BARHL2: variants seen among roughly 807,000 people sequenced by gnomAD.
The protein encoded by BARHL2 is barH-like 2 homeobox protein.
BARHL2 carries 10 observed loss-of-function variants against 27.1 expected under a neutral mutation model. That is an observed-to-expected ratio of 0.37 (90% CI 0.23 to 0.63). BARHL2 has a LOEUF of 0.63. Among genes scored for constraint, BARHL2 ranks in the 20% least tolerant of loss-of-function variants. BARHL2 has a pLI of 0.65. For synonymous variants in BARHL2, 248 were observed against 224.7 expected (o/e 1.10, Z -0.93); for missense variants, 483 against 533.5 (o/e 0.91, Z 0.93).
rs1052306863 is a variant in BARHL2, at chr1:90,714,466, G to A, written c.851+65C>T. The stretch of plus-strand genomic sequence containing the variant: ...GTCTCTGGAGGCCAGGAGGGAAGAA[G>A]ATTGGTATAATGATCATGACTTAAA... On this transcript the variant is annotated intron_variant, in intron 2 of 2. Coordinates refer to ENST00000370445, the MANE Select transcript of BARHL2 (RefSeq NM_020063.2). 24 of 1,462,790 alleles carry A rather than the reference G, an allele frequency of 1.6e-5. No homozygotes were observed. The African/African-American group carries it at 3.2e-4, about 19-fold the overall frequency. The allele number at this position is 1,462,790 out of a possible 1,614,324, so 90.6% of individuals were successfully genotyped here. A position where few individuals can be genotyped will look rare whatever the true frequency, so the allele number is the denominator to read the frequency against.
In BARHL2 at chr1:90,712,541, G is replaced by A. The variant is rs1277998107; in HGVS notation, c.935C>T (p.Pro312Leu). 6.2e-7 allele frequency: 1 copy of A among 1,614,076 alleles called. No homozygotes were observed. The highest frequency in any genetic ancestry group is 1.3e-5 in the African/African-American group (1 of 75,034). ...GCTTGGGTGATAGAAATAAGGCGAT[G>A]GAAACATCCTCTGCAGCGCCGAGTA... Reference protein sequence around the residue: ...GNYSALQRMFPSPYFYHPSLL... With the variant: ...GNYSALQRMFLSPYFYHPSLL... Residue 312 changes from proline to leucine, a missense_variant, in exon 3 of 3, where the codon CCA becomes CTA. This residue lies in a region of BARHL2 where 130 missense variants were observed against 138.0 expected (regional missense o/e 0.94). Transcript: ENST00000370445.
At chr1:90,714,367 G>A (rs1368002763) in intron 2 of BARHL2, among the ~76,000 whole-genome samples, 164 bp downstream of exon 2, 1 of 152,208 alleles carries the variant, frequency 6.6e-6, no homozygotes, top group Admixed American at 6.5e-5. Flanking sequence ...CTCTCACCTT[G>A]GGGGTGTGGC....
At position 90,712,634 on chromosome 1, in the gene BARHL2, A is replaced by G; in HGVS notation, c.852-10T>C. The G allele has an allele frequency of 6.3e-7, 1 of 1,596,110 alleles. No individual in the cohort carries two copies. Among genetic ancestry groups the G allele is most frequent in the South Asian group, 1.1e-5 (1 of 88,826 alleles). On this transcript the variant is annotated splice_polypyrimidine_tract_variant and intron_variant, in intron 2 of 2. Coordinates refer to ENST00000370445, the MANE Select transcript of BARHL2 (RefSeq NM_020063.2). ...CCGCTTCCACTTGGTCCTGAAAGAA[A>G]GCGGGTGTGCAGGCACCCAGCAGCT...
At position 90,712,386 on chromosome 1, in the gene BARHL2, C is replaced by T. The variant is rs1239577854; in HGVS notation, c.1090G>A (p.Gly364Ser). Residue 364 changes from glycine to serine, a missense_variant, in exon 3 of 3, where the codon GGC (glycine) becomes AGC (serine). By Grantham distance (56) the Gly-to-Ser change is moderately conservative. Around this residue, in one of 3 missense-constraint regions of BARHL2, gnomAD observed 130 missense variants for 138.0 expected, o/e 0.94. Transcript: ENST00000370445. Reference protein sequence around the residue: ...RPLVPRVLIHGLGPGGQPALN... With the variant: ...RPLVPRVLIHSLGPGGQPALN... ...GCTGGCTGTCCCCCAGGCCCTAGGCCGTGGATGAGCACACGGGGCACCAGG... is the reference window on the plus strand; with the variant it reads ...GCTGGCTGTCCCCCAGGCCCTAGGCTGTGGATGAGCACACGGGGCACCAGG... The T allele has an allele frequency of 4.4e-6, 7 of 1,585,236 alleles. No individual in the cohort carries two copies. The highest frequency in any genetic ancestry group is 1.3e-5 in the African/African-American group (1 of 74,306).
chr1:90,713,541 T>A (rs886678329), intron 2 of BARHL2, among the ~76,000 whole-genome samples: 3 of 152,142 alleles, frequency 2.0e-5, no homozygotes, highest in African/African-American at 7.2e-5. Context: ...GACACTAATG[T>A]TTTCCGACAG....
rs1343314247 is a variant in BARHL2, at chr1:90,711,808, TCA to T, written c.*502_*503del. ...GTCATGAGAAATCAGTGCAAAGTTC[TCA>T]GTTACCCTCCTCTTTTCTCTGGGGC... is the stretch of plus-strand genomic sequence containing the variant. On this transcript the variant is annotated 3_prime_UTR_variant, in exon 3 of 3. Transcript: ENST00000370445. The T allele has an allele frequency of 3.3e-5, 5 of 152,464 alleles. No homozygotes were observed. The highest frequency in any genetic ancestry group is 7.2e-5 in the African/African-American group (3 of 41,548). 9.4% of individuals were successfully genotyped at this position (152,464 alleles called of 1,614,324 possible). A position where few individuals can be genotyped will look rare whatever the true frequency, so the allele number is the denominator to read the frequency against.
In BARHL2 at chr1:90,712,271, G is replaced by C; in HGVS notation, c.*41C>G. The C allele has an allele frequency of 7.0e-7, 1 of 1,426,872 alleles. No homozygotes were observed. The highest frequency in any genetic ancestry group is 1.5e-5 in the South Asian group (1 of 65,838). 88.4% of individuals were successfully genotyped at this position (1,426,872 alleles called of 1,614,324 possible). ...ACGGGCAGCAGTCCGGGTTGGGCAGGGATATGGGGAAGGGATTGCAGTGCC... is the reference window on the plus strand; with the variant it reads ...ACGGGCAGCAGTCCGGGTTGGGCAGCGATATGGGGAAGGGATTGCAGTGCC... On this transcript the variant is annotated 3_prime_UTR_variant, in exon 3 of 3. Coordinates refer to ENST00000370445, the MANE Select transcript of BARHL2 (RefSeq NM_020063.2).
At position 90,716,724 on chromosome 1, in the gene BARHL2, C is replaced by T. The variant is rs1658153868; in HGVS notation, c.472G>A (p.Ala158Thr). 1.2e-6 allele frequency: 2 copies of T among 1,606,386 alleles called. No homozygotes were observed. Among genetic ancestry groups the T allele is most frequent in the Non-Finnish European group, 1.7e-6 (2 of 1,176,204 alleles). Reference protein sequence around the residue: ...LGDSKPLAACAPYSTSVSSPH... With the variant: ...LGDSKPLAACTPYSTSVSSPH... The stretch of plus-strand genomic sequence containing the variant: ...GAGGATACGCTGGTGCTGTAGGGTG[C>T]ACATGCCGCCAGAGGTTTGCTGTCG... The change falls in exon 1 of 3, where the codon GCA becomes ACA. Residue 158 changes from alanine (A) to threonine (T), a missense_variant. Ala to Thr is a moderately conservative substitution (Grantham distance 58). This residue lies in a region of BARHL2 where 304 missense variants were observed against 284.9 expected (regional missense o/e 1.07). Transcript: ENST00000370445.
Position 90,716,963 on chromosome 1 carries a change from A to G in BARHL2, c.233T>C (p.Val78Ala). The change falls in exon 1 of 3, where the codon GTA (valine) becomes GCA (alanine). Residue 78 changes from valine to alanine, a missense_variant. Transcript: ENST00000370445. ...VTMEPPEPHL[V>A]ADATQHHHHL... ...GTGATGATGCTGGGTCGCGTCTGCT[A>G]CCAGATGCGGCTCCGGGGGCTCCAT... 1.9e-6 allele frequency: 3 copies of G among 1,613,278 alleles called. No individual in the cohort carries two copies. Among genetic ancestry groups the G allele is most frequent in the East Asian group, 2.2e-5 (1 of 44,790 alleles).
Position 90,716,819 on chromosome 1 carries a change from TG to T in BARHL2, c.376del (p.Gln126SerfsTer18), listed in dbSNP as rs747119215. The T allele has an allele frequency of 1.3e-6, 2 of 1,552,094 alleles. No homozygotes were observed. Among genetic ancestry groups the T allele is most frequent in the South Asian group, 1.2e-5 (1 of 84,576 alleles). On this transcript the variant is annotated frameshift_variant, in exon 1 of 3. Coordinates refer to ENST00000370445, the MANE Select transcript of BARHL2 (RefSeq NM_020063.2). LOFTEE classifies it high-confidence loss of function. ...PPQQPPPPPP[Q>X]QLGSAASAPR... ...GGCCGAGGCGGCCGAGCCCAGCTGCTGGGGGGGCGGCGGCGGCGGCTGCTGT... is the reference window on the plus strand; with the variant it reads ...GGCCGAGGCGGCCGAGCCCAGCTGCTGGGGGGCGGCGGCGGCGGCTGCTGT...
chr1:90,712,442 G>T lies in BARHL2; in HGVS notation c.1034C>A (p.Pro345His). The change falls in exon 3 of 3, where the codon CCT becomes CAT. Residue 345 changes from proline (P) to histidine (H), a missense_variant. Transcript: ENST00000370445. ...CTGCAGCTGGGGATGGGGTGCTGGA[G>T]GAGTCCGGTACATGCTGCTGTACAT... ...AAMYSSMYRT[P>H]PAPHPQLQRP... 2 of 1,612,576 alleles carry T rather than the reference G, an allele frequency of 1.2e-6. No homozygotes were observed. Among genetic ancestry groups the T allele is most frequent in the Non-Finnish European group, 1.7e-6 (2 of 1,179,344 alleles).
chr1:90,716,354 C>T (rs947581595), intron 1 of BARHL2, among the ~76,000 whole-genome samples: 5 of 152,172 alleles, frequency 3.3e-5, no homozygotes, highest in Admixed American at 6.5e-5. Context: ...AGCTGGATGG[C>T]CGTGAAGGTT....
At chr1:90,714,039 C>G (rs539228957) in intron 2 of BARHL2, among the ~76,000 whole-genome samples, 1 of 152,216 alleles carries the variant, frequency 6.6e-6, no homozygotes, top group Non-Finnish European at 1.5e-5. Context: ...TTCTCCCAGC[C>G]GCCTCACAGG....
Position 90,717,012 on chromosome 1 carries a change from G to A in BARHL2, c.184C>T (p.Pro62Ser), listed in dbSNP as rs1344712471. The change falls in exon 1 of 3, where the codon CCT (proline) becomes TCT (serine). Residue 62 changes from proline (P) to serine (S), a missense_variant. Pro to Ser is a moderately conservative substitution (Grantham distance 74). This residue lies in a region of BARHL2 where 304 missense variants were observed against 284.9 expected (regional missense o/e 1.07). Transcript: ENST00000370445. ...CSEIDTVGTA[P>S]SSPISVTMEP... ...ATGGTGACTGAGATAGGAGAAGAAG[G>A]CGCCGTCCCTACGGTATCAATCTCC... 3.1e-6 allele frequency: 5 copies of A among 1,613,852 alleles called. No homozygotes were observed. The highest frequency in any genetic ancestry group is 2.2e-5 in the East Asian group (1 of 44,838).
At position 90,717,233 on chromosome 1, in the gene BARHL2, C is replaced by A. The variant is rs369995490; in HGVS notation, c.-38G>T. ...TCCACGCCACTCCGCCGTTCAGCAGCCGCCCCGAACCAGCGAAGAAAGCTA... is the reference window on the plus strand; with the variant it reads ...TCCACGCCACTCCGCCGTTCAGCAGACGCCCCGAACCAGCGAAGAAAGCTA... On this transcript the variant is annotated 5_prime_UTR_variant, in exon 1 of 3. Transcript: ENST00000370445. The A allele has an allele frequency of 3.8e-6, 6 of 1,578,838 alleles. No individual in the cohort carries two copies. The African/African-American group carries it at 6.9e-5, about 18-fold the overall frequency.
intron 1 of BARHL2, among the ~76,000 whole-genome samples, chr1:90,715,650 C>T (rs1399955249): frequency 6.6e-6 from 1 of 152,088 alleles, no homozygotes; most frequent in Non-Finnish European, 1.5e-5. Context: ...AACATCCTAC[C>T]TTCCAGTCAG....
At chr1:90,713,793 C>T (rs1200358562) in intron 2 of BARHL2, among the ~76,000 whole-genome samples, 2 of 152,212 alleles carry the variant, frequency 1.3e-5, no homozygotes, top group African/African-American at 2.4e-5. Context: ...GTCACTTTTG[C>T]TTTCTTAATT....
intron 2 of BARHL2, among the ~76,000 whole-genome samples, chr1:90,713,824 G>A (rs555122214): frequency 9.0e-4 from 137 of 152,350 alleles, no homozygotes; most frequent in Admixed American, 2.4e-3. Context: ...AGAAGGAGCA[G>A]TGCCAGGCAG....
intron 2 of BARHL2, among the ~76,000 whole-genome samples, chr1:90,713,390 C>A (rs565805366): frequency 6.6e-6 from 1 of 152,194 alleles, no homozygotes; most frequent in Non-Finnish European, 1.5e-5. Flanking sequence ...CTCCCTCCCC[C>A]GCTGCACACC....
Sources: allele counts gnomAD v4.1 joint callset (sites outside exome capture counted in the v4.1 genomes callset), GRCh38; gene constraint gnomAD v4.1.1; regional missense constraint gnomAD v4.1.1; transcripts MANE v1.5; gene names NCBI Gene and HGNC (gene_info 2026-07-23, HGNC 2026-07-21).